METTL15: variants seen among roughly 807,000 people sequenced by gnomAD.
METTL15 encodes methyltransferase 15, mitochondrial 12S rRNA N4-cytidine, also known as 12S rRNA N(4)-cytidine methyltransferase METTL15.
METTL15 carries 34 observed loss-of-function variants against 38.3 expected under a neutral mutation model. That is an observed-to-expected ratio of 0.89 (90% CI 0.68 to 1.18). The LOEUF (loss-of-function observed/expected upper bound fraction) is 1.18. Among genes scored for constraint, METTL15 ranks in the 50% most tolerant of loss-of-function variants. METTL15 has a pLI of 0.00. For missense variants in METTL15, 438 were observed against 498.4 expected, an observed-to-expected ratio of 0.88 and a Z score of 1.15; for synonymous variants, 162 against 170.9, an observed-to-expected ratio of 0.95 and a Z score of 0.41.
intron 6 of METTL15, among the ~76,000 whole-genome samples, chr11:28,467,454 A>G (rs1450914435): frequency 6.6e-6 from 1 of 152,164 alleles, no homozygotes; most frequent in Non-Finnish European, 1.5e-5. Flanking sequence ...CTCTGCGTGT[A>G]TCTAATCTCC....
chr11:28,243,435 G>C (rs141650298), intron 4 of METTL15, among the ~76,000 whole-genome samples: 2 of 152,202 alleles, frequency 1.3e-5, no homozygotes, highest in East Asian at 3.9e-4. Context: ...TACTTCCCTG[G>C]ATTTCTTGTG....
At chr11:28,383,908 A>T (rs1479590584) in intron 5 of METTL15, among the ~76,000 whole-genome samples, 1 of 152,112 alleles carries the variant, frequency 6.6e-6, no homozygotes, top group Non-Finnish European at 1.5e-5. Context: ...TTATTTTGTC[A>T]TCCAGTGACT....
At chr11:28,288,017 A>C (rs1451609374) in intron 4 of METTL15, among the ~76,000 whole-genome samples, 2 of 152,188 alleles carry the variant, frequency 1.3e-5, no homozygotes, top group South Asian at 2.1e-4. Flanking sequence ...TGATTAATAA[A>C]CTTTTGACTC....
At chr11:28,337,483 T>G (rs912080715), downstream of METTL15, among the ~76,000 whole-genome samples, 1 of 152,110 alleles carries the variant, frequency 6.6e-6, no homozygotes, top group Admixed American at 6.6e-5. Context: ...CCCAAAGTGC[T>G]AGGACTATAG....
chr11:28,409,314 A>G (rs1850704238), intron 5 of METTL15, among the ~76,000 whole-genome samples: 2 of 141,878 alleles, frequency 1.4e-5, no homozygotes, highest in Admixed American at 7.7e-5. Context: ...CCCAGGAGGC[A>G]GAGCTTGCAG....
intron 6 of METTL15, among the ~76,000 whole-genome samples, chr11:28,526,256 C>A (rs1283557600): frequency 5.9e-5 from 9 of 152,230 alleles, no homozygotes; most frequent in Non-Finnish European, 1.3e-4. Context: ...GGCTGAAGGG[C>A]TCCCCGAGCA....
At chr11:28,313,287 A>G (rs770370790) in intron 6 of METTL15, among the ~76,000 whole-genome samples, 1 of 152,080 alleles carries the variant, frequency 6.6e-6, no homozygotes, top group Non-Finnish European at 1.5e-5. Flanking sequence ...GAAAAACAAT[A>G]TAAGAATTTA....
At chr11:28,173,295 G>A (rs1313315897) in intron 3 of METTL15, among the ~76,000 whole-genome samples, 1 of 152,082 alleles carries the variant, frequency 6.6e-6, no homozygotes. Flanking sequence ...TGAGGGTGAA[G>A]CAATCATGAA....
At chr11:28,462,708 A>C (rs1397293121) in intron 6 of METTL15, among the ~76,000 whole-genome samples, 2 of 152,072 alleles carry the variant, frequency 1.3e-5, no homozygotes, top group Admixed American at 6.6e-5. Flanking sequence ...GAATGGTCCA[A>C]CTTGGATTCC....
chr11:28,109,007 G>A (rs1175139008), intron 1 of METTL15, among the ~76,000 whole-genome samples: 1 of 152,102 alleles, frequency 6.6e-6, no homozygotes, highest in East Asian at 1.9e-4. Flanking sequence ...TATCCATTTA[G>A]CAATTATTTA....
intron 3 of METTL15, chr11:28,134,760 A>G (rs1849459046): frequency 2.5e-6 from 1 of 393,498 alleles, no homozygotes; most frequent in African/African-American, 2.1e-5. Context: ...ATTAGAAGAC[A>G]TATATCAAAA....
intron 5 of METTL15, among the ~76,000 whole-genome samples, chr11:28,372,798 T>G (rs1850260135): frequency 8.8e-6 from 1 of 113,050 alleles, no homozygotes; most frequent in African/African-American, 3.5e-5. Flanking sequence ...GTCCCCACAG[T>G]GTGATGTTCC....
intron 6 of METTL15, chr11:28,327,603 ATC>A (rs1208715935): frequency 6.5e-6 from 1 of 152,712 alleles, no homozygotes; most frequent in African/African-American, 2.4e-5. Context: ...GGAATTAGGA[ATC>A]TCATCGTTTG....
intron 4 of METTL15, among the ~76,000 whole-genome samples, chr11:28,265,576 C>T: frequency 6.6e-6 from 1 of 151,856 alleles, no homozygotes; most frequent in East Asian, 1.9e-4. Context: ...AATATTAAAA[C>T]ATACTTATAT....
chr11:28,456,163 G>GC, intron 6 of METTL15, among the ~76,000 whole-genome samples: 2 of 151,974 alleles, frequency 1.3e-5, no homozygotes, highest in East Asian at 1.9e-4. Context: ...ATGCCACCAT[G>GC]CCTGGCTAAT....
chr11:28,385,199 T>G (rs1255336056), intron 5 of METTL15, among the ~76,000 whole-genome samples: 1 of 152,214 alleles, frequency 6.6e-6, no homozygotes, highest in African/African-American at 2.4e-5. Flanking sequence ...TTTGACATCT[T>G]TGTTATGAAA....
At chr11:28,504,944 G>T (rs999661235) in intron 6 of METTL15, among the ~76,000 whole-genome samples, 1 of 152,176 alleles carries the variant, frequency 6.6e-6, no homozygotes, top group South Asian at 2.1e-4. Context: ...GTGCCCTTCA[G>T]TTCAGTTTAT....
intron 6 of METTL15, among the ~76,000 whole-genome samples, chr11:28,510,469 G>A (rs1255548330): frequency 6.6e-6 from 1 of 152,084 alleles, no homozygotes; most frequent in African/African-American, 2.4e-5. Flanking sequence ...AATGGAGTGA[G>A]TTTGGTCATT....
At chr11:28,206,155 T>C (rs1852332666) in intron 3 of METTL15, among the ~76,000 whole-genome samples, 1 of 150,862 alleles carries the variant, frequency 6.6e-6, no homozygotes, top group Non-Finnish European at 1.5e-5. Context: ...CCATTGCTTT[T>C]GGTGTTTTAG....
Sources: gnomAD v4.1 joint callset for allele counts (sites outside exome capture counted in the v4.1 genomes callset) on GRCh38, gnomAD v4.1.1 for gene constraint, MANE v1.5 for transcripts, NCBI Gene and HGNC (gene_info 2026-07-23, HGNC 2026-07-21) for gene names.